Variants in PCSK5 observed in about 807,000 individuals in gnomAD.
The protein encoded by PCSK5 is prohormone convertase 5.
Under a neutral mutation model 233.2 loss-of-function variants are expected in PCSK5, and 129 were observed. The observed-to-expected ratio is 0.55, with a 90% CI of 0.48 to 0.64. The LOEUF is 0.64. Among genes scored for constraint, PCSK5 ranks in the 30% least tolerant of loss-of-function variants. PCSK5 has a pLI of 0.00. For missense variants in PCSK5, 2,076 were observed against 2,430.1 expected (o/e 0.85, Z 3.06); for synonymous variants, 825 against 879.2 (o/e 0.94, Z 1.09).
intron 1 of PCSK5, among the ~76,000 whole-genome samples, chr9:75,929,722 A>G (rs894742491): frequency 6.6e-6 from 1 of 152,134 alleles, no homozygotes; most frequent in African/African-American, 2.4e-5. Flanking sequence ...AAGAGGTTTA[A>G]TGGACTTACA....
At chr9:76,257,647 C>A (rs11794441) in intron 24 of PCSK5, among the ~76,000 whole-genome samples, 1 of 152,098 alleles carries the variant, frequency 6.6e-6, no homozygotes, top group African/African-American at 2.4e-5. Context: ...AGAAGCAGAA[C>A]GGGGACTAAA....
intron 24 of PCSK5, among the ~76,000 whole-genome samples, chr9:76,259,679 T>G (rs1305712338): frequency 6.6e-6 from 1 of 152,312 alleles, no homozygotes; most frequent in East Asian, 1.9e-4. Flanking sequence ...GCTTACCACA[T>G]GCAGGTAAGC....
chr9:75,943,266 A>G (rs1302173598), intron 2 of PCSK5, among the ~76,000 whole-genome samples: 3 of 152,232 alleles, frequency 2.0e-5, no homozygotes, highest in African/African-American at 7.2e-5. Context: ...CTAAATTTCT[A>G]GATAGGTATT....
At chr9:76,173,603 A>C (rs1823438892) in intron 13 of PCSK5, among the ~76,000 whole-genome samples, 2 of 146,630 alleles carry the variant, frequency 1.4e-5, no homozygotes, top group South Asian at 4.3e-4. Context: ...ACTAAAGCAA[A>C]ATGTTCCTTG....
intron 3 of PCSK5, among the ~76,000 whole-genome samples, chr9:76,016,176 G>A (rs910838179): frequency 2.0e-5 from 3 of 152,240 alleles, no homozygotes; most frequent in African/African-American, 7.2e-5. Flanking sequence ...TGTAGTGCCA[G>A]AGGGCAAGTG....
chr9:76,223,571 A>T (rs1825795508), intron 20 of PCSK5, among the ~76,000 whole-genome samples: 1 of 152,184 alleles, frequency 6.6e-6, no homozygotes, highest in Admixed American at 6.5e-5. Flanking sequence ...TCTCCAAGTG[A>T]CTACACTTCC....
At position 75,922,901 on chromosome 9, in the gene PCSK5, G is replaced by A. The variant is rs79910078; in HGVS notation, c.193-9478G>A. Among the ~76,000 whole-genome samples the A allele has an allele frequency of 9.5e-4, 144 of 152,240 alleles. 3 individuals are homozygous for A. The East Asian group carries it at 0.025, about 26-fold the overall frequency. ...TCTGTTTCTTACCCGCTCAGGATTC[G>A]TAATCAGATGTTTTTGATTACCTGC... is the stretch of plus-strand genomic sequence containing the variant. On this transcript the variant is annotated intron_variant, in intron 1 of 37. Transcript: ENST00000674117.
intron 24 of PCSK5, among the ~76,000 whole-genome samples, chr9:76,242,399 T>A (rs1015791729): frequency 1.3e-5 from 2 of 152,204 alleles, no homozygotes; most frequent in African/African-American, 4.8e-5. Flanking sequence ...TAAATACCAT[T>A]GCCCCATTAT....
chr9:76,258,219 C>T (rs1015216804), intron 24 of PCSK5, among the ~76,000 whole-genome samples: 4 of 152,188 alleles, frequency 2.6e-5, no homozygotes, highest in African/African-American at 9.6e-5. Context: ...CCAGAAAGAG[C>T]TGACAGCCTA....
chr9:76,341,701 T>C (rs1374241822), intron 35 of PCSK5, among the ~76,000 whole-genome samples: 1 of 152,230 alleles, frequency 6.6e-6, no homozygotes, highest in Admixed American at 6.5e-5. Context: ...CTCTCTCTTA[T>C]CTTTACTTCT....
At chr9:75,938,726 T>C (rs1439002087) in intron 2 of PCSK5, among the ~76,000 whole-genome samples, 1 of 152,186 alleles carries the variant, frequency 6.6e-6, no homozygotes, top group Non-Finnish European at 1.5e-5. Flanking sequence ...TTCTACAAGC[T>C]CATTTTTTAT....
rs73462436 is a variant in PCSK5 at position 76,275,882 on chromosome 9, T to C, written c.3143-16351T>C. On this transcript the variant is annotated intron_variant, in intron 24 of 37. Transcript: ENST00000674117. ...CTCTCTAATTAGCTTTGTTAATTAC[T>C]GTCCCTTCGCCAATTTGCAAATTCC... is the stretch of plus-strand genomic sequence containing the variant. 1.9e-3 allele frequency among the ~76,000 whole-genome samples: 290 copies of C among 152,364 alleles called. 1 individual carries two copies. Among genetic ancestry groups the C allele is most frequent in the African/African-American group, 5.7e-3 (237 of 41,584 alleles).
At chr9:76,211,273 G>A (rs1212753870) in intron 20 of PCSK5, among the ~76,000 whole-genome samples, 2 of 152,180 alleles carry the variant, frequency 1.3e-5, no homozygotes, top group South Asian at 4.1e-4. Flanking sequence ...GAAGTCCTTT[G>A]CTAAGCTAGA....
intron 20 of PCSK5, among the ~76,000 whole-genome samples, chr9:76,214,900 C>A (rs1825466866): frequency 6.6e-6 from 1 of 152,130 alleles, no homozygotes; most frequent in Non-Finnish European, 1.5e-5. Context: ...TGACCCAATG[C>A]CTGGACTTAC....
intron 14 of PCSK5, among the ~76,000 whole-genome samples, chr9:76,178,094 G>A (rs745592955): frequency 3.9e-5 from 6 of 152,106 alleles, no homozygotes; most frequent in East Asian, 3.9e-4. Context: ...CCAGATTCCC[G>A]TACTGTGTCA....
chr9:76,024,377 C>A (rs1468048286), intron 4 of PCSK5, among the ~76,000 whole-genome samples: 4 of 152,132 alleles, frequency 2.6e-5, no homozygotes, highest in African/African-American at 9.7e-5. Flanking sequence ...CTCATTTGAA[C>A]AAAACAGTTG....
chr9:76,089,643 G>A (rs1399762774), intron 7 of PCSK5, among the ~76,000 whole-genome samples: 3 of 152,070 alleles, frequency 2.0e-5, no homozygotes. Context: ...AGAAACCTAG[G>A]TCATTTACTC....
In PCSK5 at chr9:76,227,574, C is replaced by T. The variant is rs1286671383; in HGVS notation, c.2698C>T (p.Gln900Ter). ...ASCAKCQGPT[Q>*]EDCTTCPMTR... ...ATGTGCCAAGTGCCAGGGACCAACC[C>T]AGGAAGACTGCACTACCTGCCCCAT... is the stretch of plus-strand genomic sequence containing the variant. The change falls in exon 21 of 38, where the codon CAG becomes TAG. Residue 900 changes from glutamine to a stop codon, truncating the protein, a stop_gained. Coordinates refer to ENST00000674117, the MANE Select transcript of PCSK5 (RefSeq NM_001372043.1). LOFTEE classifies it high-confidence loss of function. The T allele has an allele frequency of 1.2e-6, 2 of 1,611,552 alleles. No homozygotes were observed. The highest frequency in any genetic ancestry group is 1.7e-6 in the Non-Finnish European group (2 of 1,179,218).
intron 24 of PCSK5, among the ~76,000 whole-genome samples, chr9:76,282,955 C>T (rs543653953): frequency 6.6e-6 from 1 of 152,194 alleles, no homozygotes; most frequent in South Asian, 2.1e-4. Context: ...GAGGAAGTGA[C>T]TGCAGAGGTG....
Sources: gnomAD v4.1 joint callset for allele counts (sites outside exome capture counted in the v4.1 genomes callset) on GRCh38, gnomAD v4.1.1 for gene constraint, MANE v1.5 for transcripts, NCBI Gene and HGNC (gene_info 2026-07-23, HGNC 2026-07-21) for gene names.